The following KLHDC10 variants were observed in gnomAD, a reference collection of about 807,000 sequenced individuals.
KLHDC10 encodes the protein kelch domain containing 10, also known as kelch domain-containing protein 10.
KLHDC10 carries 24 observed loss-of-function variants against 56.1 expected under a neutral mutation model. That is an observed-to-expected ratio of 0.43 (90% CI 0.31 to 0.60). The LOEUF is 0.60. KLHDC10 is among the 20% of genes least tolerant of loss of function. The pLI is 0.11. For missense variants in KLHDC10, 349 were observed against 567.0 expected (o/e 0.62, Z 3.91); for synonymous variants, 188 against 207.1 (o/e 0.91, Z 0.79).
intron 2 of KLHDC10, among the ~76,000 whole-genome samples, chr7:130,101,207 A>T (rs1442964489): frequency 6.6e-6 from 1 of 152,220 alleles, no homozygotes; most frequent in Non-Finnish European, 1.5e-5. Context: ...GACAGTATGT[A>T]CAGAGCACTT....
At chr7:130,104,854 G>A (rs970039433) in intron 2 of KLHDC10, among the ~76,000 whole-genome samples, 5 of 152,058 alleles carry the variant, frequency 3.3e-5, no homozygotes, top group South Asian at 2.1e-4. Flanking sequence ...TGAGAACTTC[G>A]TCCCCGTGAT....
At chr7:130,077,142 G>C (rs915843360) in intron 1 of KLHDC10, among the ~76,000 whole-genome samples, 1 of 151,686 alleles carries the variant, frequency 6.6e-6, no homozygotes, top group African/African-American at 2.4e-5. Flanking sequence ...ATCACTTGAG[G>C]CCAGGAGCTT....
chr7:130,088,285 T>A (rs1206509627), intron 1 of KLHDC10, among the ~76,000 whole-genome samples: 2 of 151,982 alleles, frequency 1.3e-5, no homozygotes, highest in East Asian at 3.9e-4. Flanking sequence ...CTTCACCTTT[T>A]TTTTTTTTGA....
chr7:130,080,648 C>T (rs558006038), intron 1 of KLHDC10, among the ~76,000 whole-genome samples: 1 of 152,242 alleles, frequency 6.6e-6, no homozygotes, highest in South Asian at 2.1e-4. Context: ...CCTCCCACCT[C>T]GGCCTCCCAA....
rs974728459 is a variant in KLHDC10, at chr7:130,122,272, A to G, written c.779+70A>G. On this transcript the variant is annotated intron_variant, in intron 5 of 9. Transcript: ENST00000335420. ...TTTGACCTCTTTCAGAGTGTTGGCA[A>G]TATGAAGAAAACCCTTTGGCCCCAG... 280 of 1,450,044 alleles carry G rather than the reference A, an allele frequency of 1.9e-4. 1 individual carries two copies. Among genetic ancestry groups the G allele is most frequent in the Middle Eastern group, 1.8e-4 (1 of 5,598 alleles). 89.8% of individuals were successfully genotyped at this position (1,450,044 alleles called of 1,614,324 possible).
rs371757998 is a variant in KLHDC10 at position 130,119,673 on chromosome 7, G to A, written c.476-1076G>A. 4.5e-4 allele frequency among the ~76,000 whole-genome samples: 68 copies of A among 150,750 alleles called. 1 individual carries two copies. Among genetic ancestry groups the A allele is most frequent in the African/African-American group, 7.1e-4 (29 of 41,026 alleles). On this transcript the variant is annotated intron_variant, in intron 3 of 9. Coordinates refer to ENST00000335420, the MANE Select transcript of KLHDC10 (RefSeq NM_014997.4). ...AGCCTGGCCAATGTGGTGAAACCCCGTCTCTACTAAAAATACAAAAATTAG... is the reference window on the plus strand; with the variant it reads ...AGCCTGGCCAATGTGGTGAAACCCCATCTCTACTAAAAATACAAAAATTAG...
At chr7:130,112,607 C>A (rs935876699) in intron 2 of KLHDC10, among the ~76,000 whole-genome samples, 11 of 152,110 alleles carry the variant, frequency 7.2e-5, no homozygotes, top group Non-Finnish European at 1.5e-5. Flanking sequence ...AGGTTGAGGA[C>A]CCTATGCTAT....
In KLHDC10 at chr7:130,132,534, C is replaced by T. The variant is rs773899977; in HGVS notation, c.*1788C>T. 2 of 152,178 alleles carry T rather than the reference C, an allele frequency of 1.3e-5. No homozygotes were observed. The highest frequency in any genetic ancestry group is 2.4e-5 in the African/African-American group (1 of 41,432). 9.4% of individuals were successfully genotyped at this position (152,178 alleles called of 1,614,324 possible). A position where few individuals can be genotyped will look rare whatever the true frequency, so the allele number is the denominator to read the frequency against. On this transcript the variant is annotated 3_prime_UTR_variant, in exon 10 of 10. Transcript: ENST00000335420. The stretch of plus-strand genomic sequence containing the variant: ...TGGGAAGTCTTATAATAACCACGCA[C>T]CTGTGAACGTGGGTCCTTTCTGGGG...
chr7:130,129,201 A>G (rs1796362614), intron 8 of KLHDC10, among the ~76,000 whole-genome samples: 1 of 152,102 alleles, frequency 6.6e-6, no homozygotes, highest in Admixed American at 6.5e-5. Context: ...TAACTTTGAC[A>G]TGAAGGCTCC....
chr7:130,070,653 G>T lies in KLHDC10; in HGVS notation c.10G>T (p.Ala4Ser). 3 of 1,312,994 alleles carry T rather than the reference G, an allele frequency of 2.3e-6. No individual in the cohort carries two copies. Among genetic ancestry groups the T allele is most frequent in the Non-Finnish European group, 9.7e-7 (1 of 1,026,044 alleles). The allele number at this position is 1,312,994 out of a possible 1,614,324, so 81.3% of individuals were successfully genotyped here. Residue 4 changes from alanine (A) to serine (S), a missense_variant, in exon 1 of 10, where the codon GCC becomes TCC. By Grantham distance (99) the Ala-to-Ser change is moderately conservative. Transcript: ENST00000335420. ...CAATCGTTAGCGGGTCATGTCGGCC[G>T]CCCAGGGCTGGGACAGGAACCGCCG... MSA[A>S]QGWDRNRRRG...
At chr7:130,115,240 T>G (rs1796151656) in intron 2 of KLHDC10, among the ~76,000 whole-genome samples, 1 of 152,198 alleles carries the variant, frequency 6.6e-6, no homozygotes, top group Admixed American at 6.5e-5. Context: ...ACGTTCATCT[T>G]TAGGGTCACA....
intron 1 of KLHDC10, among the ~76,000 whole-genome samples, chr7:130,093,239 C>G (rs1795803822): frequency 1.3e-5 from 2 of 152,128 alleles, no homozygotes. Context: ...GAGTCTTACT[C>G]TGTCGCCCAG....
intron 2 of KLHDC10, among the ~76,000 whole-genome samples, chr7:130,108,207 G>A (rs1197386317): frequency 1.3e-5 from 2 of 151,446 alleles, no homozygotes; most frequent in Non-Finnish European, 2.9e-5. Flanking sequence ...CAGCCTGGGC[G>A]ACAGAGCGAG....
intron 2 of KLHDC10, among the ~76,000 whole-genome samples, chr7:130,111,781 T>C (rs1267348840): frequency 1.3e-5 from 2 of 151,726 alleles, no homozygotes; most frequent in East Asian, 1.9e-4. Flanking sequence ...ATCTAAAAAG[T>C]AGGCAAAGGA....
intron 2 of KLHDC10, among the ~76,000 whole-genome samples, chr7:130,106,944 C>G (rs1204953957): frequency 2.0e-5 from 3 of 152,160 alleles, no homozygotes; most frequent in African/African-American, 7.2e-5. Context: ...ACGTTCCAGC[C>G]TGGGCAATAG....
chr7:130,120,203 T>A lies in KLHDC10; in HGVS notation c.476-546T>A, dbSNP rs1796230293. 1.3e-5 allele frequency among the ~76,000 whole-genome samples: 2 copies of A among 152,242 alleles called. No individual in the cohort carries two copies. Among genetic ancestry groups the A allele is most frequent in the South Asian group, 4.1e-4 (2 of 4,836 alleles). On this transcript the variant is annotated intron_variant, in intron 3 of 9. Transcript: ENST00000335420. This position sits in a 1 kb window ranked among gnomAD's most constrained non-coding sequence, Gnocchi z 5.1. The stretch of plus-strand genomic sequence containing the variant: ...ATTTTTCTCTGCTTTGCTGCATGCT[T>A]GAACTGTCTTCAGCAGCAGTGGTAT...
At chr7:130,096,853 A>G (rs1795856028) in intron 1 of KLHDC10, 68 bp from the exon 2 acceptor site, 3 of 1,090,546 alleles carry the variant, frequency 2.8e-6, no homozygotes, top group African/African-American at 1.6e-5. Context: ...CTTTATAACT[A>G]CAGTAACTAT....
intron 5 of KLHDC10, among the ~76,000 whole-genome samples, chr7:130,122,407 C>T (rs1796260215): frequency 6.6e-6 from 1 of 152,158 alleles, no homozygotes; most frequent in Admixed American, 6.6e-5. Context: ...TTCTAAACTA[C>T]AGAATTTTTT....
At chr7:130,108,159 C>A (rs1345292900) in intron 2 of KLHDC10, among the ~76,000 whole-genome samples, 5 of 151,770 alleles carry the variant, frequency 3.3e-5, no homozygotes, top group Non-Finnish European at 2.9e-5. Context: ...AACCCGGAGG[C>A]GGAAGTTGCA....
Sources: gnomAD v4.1 joint callset for allele counts (sites outside exome capture counted in the v4.1 genomes callset) on GRCh38, gnomAD v4.1.1 for gene constraint, Gnocchi (gnomAD v3.1) non-coding constraint, MANE v1.5 for transcripts, NCBI Gene and HGNC (gene_info 2026-07-23, HGNC 2026-07-21) for gene names.